Variants in HIVEP3 observed in about 807,000 individuals in gnomAD.
HIVEP3 encodes HIVEP zinc finger 3.
In HIVEP3, 49 loss-of-function variants were observed where a neutral mutation model predicts 152.8. That is an observed-to-expected ratio of 0.32 (90% CI 0.26 to 0.41). The LOEUF (loss-of-function observed/expected upper bound fraction) is 0.41, where lower values mean the gene tolerates loss of function less well. Ranked by LOEUF, HIVEP3 falls within the 10% of genes least tolerant of loss-of-function variation. HIVEP3 has a pLI of 1.00. For synonymous variants in HIVEP3, 1,269 were observed against 1,289.0 expected, an observed-to-expected ratio of 0.98 and a Z score of 0.33; for missense variants, 2,790 against 3,103.3, an observed-to-expected ratio of 0.90 and a Z score of 2.40.
At chr1:41,651,138 A>C (rs1397875283) in intron 2 of HIVEP3, among the ~76,000 whole-genome samples, 1 of 152,214 alleles carries the variant, frequency 6.6e-6, no homozygotes, top group East Asian at 1.9e-4. Context: ...AGCTGGGCGC[A>C]GTAGCTCATA....
chr1:41,649,779 C>T (rs961055907), intron 2 of HIVEP3, among the ~76,000 whole-genome samples: 1 of 152,148 alleles, frequency 6.6e-6, no homozygotes, highest in Non-Finnish European at 1.5e-5. Flanking sequence ...TCTTCAGCAT[C>T]TTCATGAAGA....
intron 2 of HIVEP3, among the ~76,000 whole-genome samples, chr1:41,699,460 T>G (rs12066191): frequency 0.042 from 6,333 of 152,288 alleles, 440 homozygotes; most frequent in African/African-American, 0.14. Context: ...ATCACTCTAG[T>G]ACAACCTTGC....
chr1:41,529,197 T>G (rs1292054436), intron 5 of HIVEP3, among the ~76,000 whole-genome samples: 1 of 49,942 alleles, frequency 2.0e-5, no homozygotes, highest in Non-Finnish European at 3.9e-5. Flanking sequence ...CTCACATGCT[T>G]ACACCCATAC....
At chr1:41,856,876 G>A (rs1317592834) in intron 1 of HIVEP3, among the ~76,000 whole-genome samples, 1 of 152,110 alleles carries the variant, frequency 6.6e-6, no homozygotes, top group African/African-American at 2.4e-5. Flanking sequence ...GATGCCTGGG[G>A]TTGCAAAAGA....
At chr1:41,851,262 A>C (rs1643588965) in intron 1 of HIVEP3, among the ~76,000 whole-genome samples, 1 of 150,350 alleles carries the variant, frequency 6.7e-6, no homozygotes, top group Non-Finnish European at 1.5e-5. Flanking sequence ...GTACAGAAGA[A>C]TGATGAGAGA....
chr1:41,843,901 C>T (rs191055509), intron 1 of HIVEP3, among the ~76,000 whole-genome samples: 1 of 151,122 alleles, frequency 6.6e-6, no homozygotes, highest in Non-Finnish European at 1.5e-5. Flanking sequence ...TGCTATCCCT[C>T]CCCCCTCCGT....
chr1:41,989,696 C>T (rs552042192), intron 1 of HIVEP3, among the ~76,000 whole-genome samples: 14 of 149,418 alleles, frequency 9.4e-5, no homozygotes, highest in African/African-American at 3.5e-4. Context: ...CCAGAAGTGA[C>T]CTGAAGTACT....
intron 1 of HIVEP3, among the ~76,000 whole-genome samples, chr1:42,012,466 G>A (rs1020785394): frequency 1.3e-4 from 20 of 152,080 alleles, no homozygotes; most frequent in Non-Finnish European, 2.4e-4. Flanking sequence ...CTAGGTGGGC[G>A]GATCATTTGA....
chr1:41,532,182 G>A (rs933265447), intron 5 of HIVEP3, among the ~76,000 whole-genome samples: 2 of 143,536 alleles, frequency 1.4e-5, no homozygotes, highest in African/African-American at 5.3e-5. Flanking sequence ...GGGAGATGGA[G>A]GACAAGAGAG....
intron 1 of HIVEP3, among the ~76,000 whole-genome samples, chr1:41,854,106 T>C (rs372146110): frequency 1.1e-3 from 171 of 152,122 alleles, no homozygotes; most frequent in Non-Finnish European, 2.0e-3. Flanking sequence ...GCAGATCGGC[T>C]TTCTCTCTCC....
chr1:41,636,704 C>G (rs903345763), intron 2 of HIVEP3, among the ~76,000 whole-genome samples: 2 of 152,026 alleles, frequency 1.3e-5, no homozygotes, highest in African/African-American at 4.8e-5. Flanking sequence ...AAATGCTGGC[C>G]TCGTTAATAA....
Position 41,584,457 on chromosome 1 carries a change from A to G in HIVEP3, c.341T>C (p.Leu114Pro). The G allele has an allele frequency of 6.2e-7, 1 of 1,614,130 alleles. No homozygotes were observed. Among genetic ancestry groups the G allele is most frequent in the African/African-American group, 1.3e-5 (1 of 75,024 alleles). The change falls in exon 4 of 9, where the codon CTG becomes CCG. Residue 114 changes from leucine (L) to proline (P), a missense_variant. Coordinates refer to ENST00000372583, the MANE Select transcript of HIVEP3 (RefSeq NM_024503.5). The surrounding 1 kb of genome is among the most constrained non-coding windows in gnomAD (Gnocchi z 5.2). ...AACCAGTTGCCATGTGGACCCCTCC[A>G]GGAGATGCTCAGGTTTGCCAGGCGA... ...FMSPGKPEHL[L>P]EGSTWQLVDP...
intron 5 of HIVEP3, among the ~76,000 whole-genome samples, chr1:41,537,093 C>A (rs1045696913): frequency 7.9e-5 from 12 of 152,318 alleles, no homozygotes; most frequent in African/African-American, 2.6e-4. Context: ...GACCTTCAAG[C>A]CCGTGACTTT....
chr1:41,598,433 G>A (rs1644698515), intron 3 of HIVEP3, among the ~76,000 whole-genome samples: 1 of 152,186 alleles, frequency 6.6e-6, no homozygotes, highest in African/African-American at 2.4e-5. Flanking sequence ...ACTATAAGAT[G>A]AACCACAGAA....
At chr1:41,828,677 A>C (rs905967026) in intron 1 of HIVEP3, among the ~76,000 whole-genome samples, 1 of 152,210 alleles carries the variant, frequency 6.6e-6, no homozygotes, top group Admixed American at 6.5e-5. Context: ...GCTTCATTGT[A>C]TAGATGAAGA....
At chr1:41,938,661 G>C (rs1205025740) in intron 1 of HIVEP3, among the ~76,000 whole-genome samples, 2 of 152,212 alleles carry the variant, frequency 1.3e-5, no homozygotes, top group Non-Finnish European at 2.9e-5. Flanking sequence ...CAAATGGTCA[G>C]AGATACAAAT....
intron 1 of HIVEP3, among the ~76,000 whole-genome samples, chr1:41,799,578 G>T (rs995106861): frequency 6.6e-6 from 1 of 152,186 alleles, no homozygotes; most frequent in Middle Eastern, 3.4e-3. Context: ...CCTGTAAATC[G>T]TCTTGCTTCT....
At chr1:41,693,972 C>T (rs937508570) in intron 2 of HIVEP3, among the ~76,000 whole-genome samples, 2 of 152,202 alleles carry the variant, frequency 1.3e-5, no homozygotes, top group African/African-American at 4.8e-5. Flanking sequence ...CTTCTGGGCT[C>T]TCTGTTCCTT....
intron 1 of HIVEP3, among the ~76,000 whole-genome samples, chr1:41,913,834 C>A (rs1415487048): frequency 1.3e-5 from 2 of 152,096 alleles, no homozygotes. Flanking sequence ...TTTTCCATAT[C>A]TTTCTACTAT....
Sources: allele counts gnomAD v4.1 joint callset (sites outside exome capture counted in the v4.1 genomes callset), GRCh38; gene constraint gnomAD v4.1.1; non-coding constraint Gnocchi (gnomAD v3.1); transcripts MANE v1.5; gene names NCBI Gene and HGNC (gene_info 2026-07-23, HGNC 2026-07-21).